KIAA1217: variants seen among roughly 807,000 people sequenced by gnomAD.
KIAA1217 encodes the protein sickle tail protein homolog.
In KIAA1217, 88 loss-of-function variants were observed where a neutral mutation model predicts 163.9. That is an observed-to-expected ratio of 0.54 (90% CI 0.45 to 0.64). The LOEUF is 0.64. Ranked by LOEUF, KIAA1217 falls within the 30% of genes least tolerant of loss-of-function variation. The pLI, the probability that KIAA1217 is intolerant of heterozygous loss-of-function variation, is 0.00. For synonymous variants in KIAA1217, 903 were observed against 923.1 expected (o/e 0.98, Z 0.39); for missense variants, 2,372 against 2,475.0 (o/e 0.96, Z 0.88).
At chr10:23,756,539 G>A (rs998319031) in intron 1 of KIAA1217, among the ~76,000 whole-genome samples, 6 of 152,028 alleles carry the variant, frequency 3.9e-5, no homozygotes, top group South Asian at 2.1e-4. Flanking sequence ...GACTATGTTT[G>A]TTTTGAAATG....
rs540819969 is a variant in KIAA1217, at chr10:24,112,376, G to A, written c.-171+105002G>A. Reference sequence around the variant, plus strand: ...AGGCCAAGATGTTTTATTTCTGTGCGAACAGGATGGCTTTGTTTTATTCCA... The same window carrying A: ...AGGCCAAGATGTTTTATTTCTGTGCAAACAGGATGGCTTTGTTTTATTCCA... On this transcript the variant is annotated intron_variant, in intron 2 of 18. Transcript: ENST00000376462. Among the ~76,000 whole-genome samples, 61 of 152,234 alleles carry A rather than the reference G, an allele frequency of 4.0e-4. No individual in the cohort carries two copies. In the South Asian group the frequency reaches 0.011, roughly 27 times the overall value.
chr10:23,737,203 T>C (rs888798885), intron 1 of KIAA1217, among the ~76,000 whole-genome samples: 2 of 151,776 alleles, frequency 1.3e-5, no homozygotes, highest in African/African-American at 4.9e-5. Context: ...AGACTTACAT[T>C]AACATATTTT....
chr10:24,391,536 G>A lies in KIAA1217; in HGVS notation c.553+10469G>A, dbSNP rs117696072. ...ATTTTTGTATTTTTAATAAAGACAA[G>A]GTTTCACTATGTTGGCCAAGCTGGT... is the stretch of plus-strand genomic sequence containing the variant. On this transcript the variant is annotated intron_variant, in intron 3 of 20. Transcript: ENST00000376454. Among the ~76,000 whole-genome samples the A allele has an allele frequency of 5.9e-3, 893 of 151,914 alleles. 7 individuals carry two copies. The highest frequency in any genetic ancestry group is 0.021 in the Middle Eastern group (6 of 292).
chr10:24,108,343 T>C (rs774237934), intron 2 of KIAA1217, among the ~76,000 whole-genome samples: 2 of 152,176 alleles, frequency 1.3e-5, no homozygotes, highest in Non-Finnish European at 2.9e-5. Flanking sequence ...AATTCAATGA[T>C]TGGGGGTTTC....
chr10:24,420,515 A>G (rs1012644082), intron 3 of KIAA1217, among the ~76,000 whole-genome samples: 2 of 152,118 alleles, frequency 1.3e-5, no homozygotes, highest in South Asian at 2.1e-4. Flanking sequence ...CCTCATTTCA[A>G]TGCAGTTTAA....
intron 1 of KIAA1217, among the ~76,000 whole-genome samples, chr10:23,885,886 T>C (rs931554817): frequency 2.0e-5 from 3 of 152,086 alleles, no homozygotes; most frequent in Admixed American, 6.5e-5. Context: ...CAATTCCAAA[T>C]TGAGCTGTCT....
rs180956429 is a variant in KIAA1217 at position 24,369,624 on chromosome 10, G to T, written c.355-11245G>T. 6.6e-4 allele frequency among the ~76,000 whole-genome samples: 100 copies of T among 152,256 alleles called. 1 individual carries two copies. In the Middle Eastern group the frequency reaches 0.01, roughly 16 times the overall value. ...AGGTTGCAGAGATGAGCTTAAAAAT[G>T]GCTTTTGTTAAGAAGGCCTTCTAAG... On this transcript the variant is annotated intron_variant, in intron 2 of 20. Coordinates refer to ENST00000376454, the MANE Select transcript of KIAA1217 (RefSeq NM_019590.5).
chr10:24,473,178 T>C, intron 5 of KIAA1217, 50 bp from the exon 6 acceptor site: 2 of 1,340,018 alleles, frequency 1.5e-6, no homozygotes, highest in Non-Finnish European at 2.1e-6. Context: ...AGACTTCTCT[T>C]GAAACACGAA....
At chr10:24,082,298 T>C (rs116711754) in intron 2 of KIAA1217, among the ~76,000 whole-genome samples, 93 of 152,218 alleles carry the variant, frequency 6.1e-4, no homozygotes, top group African/African-American at 2.2e-3. Flanking sequence ...GTTTGCTACA[T>C]AGATAAAAAT....
intron 1 of KIAA1217, among the ~76,000 whole-genome samples, chr10:23,836,140 T>G (rs140073010): frequency 0.019 from 2,942 of 152,320 alleles, 55 homozygotes; most frequent in Middle Eastern, 0.034. Context: ...GAATTTCTAT[T>G]AGATAAGTGA....
intron 2 of KIAA1217, among the ~76,000 whole-genome samples, chr10:24,011,965 T>C (rs1847253727): frequency 6.6e-6 from 1 of 151,622 alleles, no homozygotes; most frequent in African/African-American, 2.4e-5. Flanking sequence ...CATTATTTCA[T>C]GTTCAGATGG....
At chr10:23,858,834 A>G (rs148961329) in intron 1 of KIAA1217, among the ~76,000 whole-genome samples, 51 of 152,260 alleles carry the variant, frequency 3.3e-4, no homozygotes, top group African/African-American at 1.2e-3. Flanking sequence ...GACTTAAGAG[A>G]CATAGTAGAA....
At position 23,734,126 on chromosome 10, in the gene KIAA1217, C is replaced by A. The variant is rs530838235; in HGVS notation, c.-321+38892C>A. On this transcript the variant is annotated intron_variant, in intron 1 of 18. Coordinates refer to the KIAA1217 transcript ENST00000376462. ...TGGAACCTCCCAACTTAGTAGGAAC[C>A]CAACTTAATGAGAACATCAGCACCT... Among the ~76,000 whole-genome samples, 5 of 152,028 alleles carry A rather than the reference C, an allele frequency of 3.3e-5. No homozygotes were observed. In the East Asian group the frequency reaches 9.7e-4, roughly 29 times the overall value.
intron 1 of KIAA1217, among the ~76,000 whole-genome samples, chr10:23,802,661 C>T (rs1387909632): frequency 1.3e-5 from 2 of 152,218 alleles, no homozygotes; most frequent in African/African-American, 4.8e-5. Flanking sequence ...GCCGTATATA[C>T]TGATCAAGTA....
intron 1 of KIAA1217, among the ~76,000 whole-genome samples, chr10:23,850,808 C>T (rs1169048810): frequency 2.0e-5 from 3 of 151,992 alleles, no homozygotes; most frequent in Non-Finnish European, 4.4e-5. Flanking sequence ...AGGAAACTCA[C>T]AATCATGGTA....
intron 1 of KIAA1217, among the ~76,000 whole-genome samples, chr10:23,704,034 G>T: frequency 6.7e-6 from 1 of 149,296 alleles, no homozygotes; most frequent in Non-Finnish European, 1.5e-5. Flanking sequence ...TTTGGAAACC[G>T]AGGACTGGTG....
intron 2 of KIAA1217, among the ~76,000 whole-genome samples, chr10:24,162,803 CCAAGCTCT>C (rs1226089493): frequency 6.6e-6 from 1 of 152,164 alleles, no homozygotes; most frequent in African/African-American, 2.4e-5. Flanking sequence ...AGATCTGTTT[CCAAGCTCT>C]CTTATGTGAT....
At chr10:24,327,670 G>C (rs1191926709) in intron 2 of KIAA1217, among the ~76,000 whole-genome samples, 1 of 152,112 alleles carries the variant, frequency 6.6e-6, no homozygotes, top group Non-Finnish European at 1.5e-5. Flanking sequence ...TAGAGATGGA[G>C]TCTCCCTATG....
chr10:24,003,636 GAA>G (rs1315985970), intron 1 of KIAA1217, among the ~76,000 whole-genome samples: 3 of 152,176 alleles, frequency 2.0e-5, no homozygotes, highest in Non-Finnish European at 4.4e-5. Context: ...ACCAGTGGAA[GAA>G]AGTCTTTTGC....
Sources: allele counts gnomAD v4.1 joint callset (sites outside exome capture counted in the v4.1 genomes callset), GRCh38; gene constraint gnomAD v4.1.1; transcripts MANE v1.5; gene names NCBI Gene and HGNC (gene_info 2026-07-23, HGNC 2026-07-21).